RAB8B: variants seen among roughly 807,000 people sequenced by gnomAD.
RAB8B encodes RAB8B, member RAS oncogene family.
In RAB8B, 11 loss-of-function variants were observed where a neutral mutation model predicts 32.0. The ratio of observed to expected loss-of-function variants is 0.34; its 90% CI spans 0.22 to 0.57. The LOEUF (loss-of-function observed/expected upper bound fraction) is 0.57, where lower values mean the gene tolerates loss of function less well. Among genes scored for constraint, RAB8B ranks in the 20% least tolerant of loss-of-function variants. The probability of loss-of-function intolerance (pLI) is 0.86; values close to 1 mark genes in which losing one functional copy is unlikely to be tolerated. For synonymous variants in RAB8B, 103 were observed against 89.6 expected (o/e 1.15, Z -0.85); for missense variants, 190 against 258.5 (o/e 0.73, Z 1.82).
intron 1 of RAB8B, chr15:63,223,817 T>C (rs955377007): frequency 2.5e-6 from 1 of 405,994 alleles, no homozygotes; most frequent in African/African-American, 2.1e-5. Flanking sequence ...AAGGAGTTTT[T>C]CTTTTGTCTT....
chr15:63,211,196 T>C (rs1402553228), intron 1 of RAB8B, among the ~76,000 whole-genome samples: 1 of 152,230 alleles, frequency 6.6e-6, no homozygotes, highest in East Asian at 1.9e-4. Flanking sequence ...AAAATCTCTT[T>C]TGGCCTAACT....
chr15:63,201,357 G>A (rs1296969663), intron 1 of RAB8B, among the ~76,000 whole-genome samples: 1 of 152,178 alleles, frequency 6.6e-6, no homozygotes, highest in Non-Finnish European at 1.5e-5. Context: ...AGTTAGTTGG[G>A]TAGAATGGAA....
chr15:63,204,878 C>G (rs1254106002), intron 1 of RAB8B, among the ~76,000 whole-genome samples: 1 of 152,196 alleles, frequency 6.6e-6, no homozygotes, highest in African/African-American at 2.4e-5. Context: ...AGGATGAGGG[C>G]TGGGTGCAGT....
At chr15:63,195,789 G>A (rs983139929) in intron 1 of RAB8B, among the ~76,000 whole-genome samples, 3 of 152,330 alleles carry the variant, frequency 2.0e-5, no homozygotes, top group East Asian at 3.9e-4. Flanking sequence ...TGAGAAGAGG[G>A]TTGGGGGTGA....
chr15:63,248,974 A>G lies in RAB8B; in HGVS notation c.186-671A>G, dbSNP rs560546245. On this transcript the variant is annotated intron_variant, in intron 2 of 7. Transcript: ENST00000321437. This position sits in a 1 kb window ranked among gnomAD's most constrained non-coding sequence, Gnocchi z 4.4. The stretch of plus-strand genomic sequence containing the variant: ...TATAAATGAAATCAGAAACTCTTAT[A>G]TTTTTCAGAATGCATTTTAATGGTA... 6.6e-5 allele frequency among the ~76,000 whole-genome samples: 10 copies of G among 152,244 alleles called. No individual in the cohort carries two copies. The South Asian group carries it at 2.1e-3, about 32-fold the overall frequency.
intron 1 of RAB8B, among the ~76,000 whole-genome samples, chr15:63,221,495 C>T (rs544645806): frequency 4.6e-5 from 7 of 152,310 alleles, no homozygotes; most frequent in Admixed American, 1.3e-4. Flanking sequence ...TTGGCAACAT[C>T]GCTGACTCAG....
chr15:63,216,288 G>A (rs1235370378), intron 1 of RAB8B, among the ~76,000 whole-genome samples: 6 of 147,566 alleles, frequency 4.1e-5, no homozygotes, highest in Non-Finnish European at 7.4e-5. Context: ...GAGTGCAGCG[G>A]CACAATCTTG....
intron 1 of RAB8B, among the ~76,000 whole-genome samples, chr15:63,243,899 G>T (rs2038051333): frequency 6.6e-6 from 1 of 152,170 alleles, no homozygotes; most frequent in South Asian, 2.1e-4. Context: ...ATTATCTCAT[G>T]CTGGAAGACT....
chr15:63,223,847 G>A, intron 1 of RAB8B: 2 of 430,688 alleles, frequency 4.6e-6, no homozygotes, highest in Non-Finnish European at 9.3e-6. Flanking sequence ...TTCTTCTATA[G>A]TGCGGCCTCA....
At chr15:63,228,973 G>A (rs1024037906) in intron 1 of RAB8B, among the ~76,000 whole-genome samples, 1 of 152,136 alleles carries the variant, frequency 6.6e-6, no homozygotes, top group Non-Finnish European at 1.5e-5. Flanking sequence ...CTATATAATT[G>A]TTTTACATGT....
intron 1 of RAB8B, among the ~76,000 whole-genome samples, chr15:63,235,151 TA>T (rs1200027227): frequency 6.6e-3 from 1 of 152 alleles, no homozygotes; most frequent in Non-Finnish European, 0.016. Flanking sequence ...AGATAAAATG[TA>T]CCCCTAGAAG....
At chr15:63,230,233 T>A (rs1429455790) in intron 1 of RAB8B, among the ~76,000 whole-genome samples, 1 of 152,204 alleles carries the variant, frequency 6.6e-6, no homozygotes, top group East Asian at 1.9e-4. Flanking sequence ...GAAAAGGCTC[T>A]TGTTAACTAG....
At chr15:63,205,666 A>G (rs2037692563) in intron 1 of RAB8B, among the ~76,000 whole-genome samples, 1 of 152,246 alleles carries the variant, frequency 6.6e-6, no homozygotes, top group Non-Finnish European at 1.5e-5. Flanking sequence ...TGTCAGGTTC[A>G]TAAGAAGTGA....
intron 1 of RAB8B, among the ~76,000 whole-genome samples, chr15:63,221,038 TG>T (rs2037840297): frequency 1.3e-5 from 2 of 152,166 alleles, no homozygotes; most frequent in Non-Finnish European, 2.9e-5. Context: ...TGAGCAGAGT[TG>T]GCTGGAATAA....
chr15:63,251,308 A>G, intron 3 of RAB8B: 1 of 456,082 alleles, frequency 2.2e-6, no homozygotes, highest in Non-Finnish European at 4.4e-6. Flanking sequence ...GATAAAAAGA[A>G]CATCATAACA....
chr15:63,199,869 C>T (rs2037633378), intron 1 of RAB8B, among the ~76,000 whole-genome samples: 1 of 152,190 alleles, frequency 6.6e-6, no homozygotes, highest in Admixed American at 6.5e-5. Flanking sequence ...GTGTGAGCCA[C>T]TGCCCCCGGC....
intron 1 of RAB8B, among the ~76,000 whole-genome samples, chr15:63,218,338 T>G (rs1368904916): frequency 6.6e-6 from 1 of 152,218 alleles, no homozygotes; most frequent in Non-Finnish European, 1.5e-5. Context: ...GTGCCTGGCC[T>G]TAAGTGGGTC....
chr15:63,209,670 T>A (rs931266470), intron 1 of RAB8B, among the ~76,000 whole-genome samples: 1 of 152,078 alleles, frequency 6.6e-6, no homozygotes, highest in African/African-American at 2.4e-5. Flanking sequence ...AAGGTACCAG[T>A]TTAGAACTTT....
chr15:63,212,333 G>A (rs2037754767), intron 1 of RAB8B, among the ~76,000 whole-genome samples: 1 of 152,176 alleles, frequency 6.6e-6, no homozygotes, highest in Non-Finnish European at 1.5e-5. Flanking sequence ...AGATAAAGTT[G>A]TTAAGGGAGG....
Sources: allele counts gnomAD v4.1 joint callset (sites outside exome capture counted in the v4.1 genomes callset), GRCh38; gene constraint gnomAD v4.1.1; non-coding constraint Gnocchi (gnomAD v3.1); transcripts MANE v1.5; gene names NCBI Gene and HGNC (gene_info 2026-07-23, HGNC 2026-07-21).